The following CFAP206 variants were observed in gnomAD, a reference collection of about 807,000 sequenced individuals.
The protein encoded by CFAP206 is cilia and flagella associated protein 206, also known as cilia- and flagella-associated protein 206.
A neutral mutation model predicts 65.4 loss-of-function variants in CFAP206; 53 were observed. The ratio of observed to expected loss-of-function variants is 0.81; its 90% CI spans 0.65 to 1.02. The LOEUF (loss-of-function observed/expected upper bound fraction) is 1.02. Among genes scored for constraint, CFAP206 ranks in the 50% least tolerant of loss-of-function variants. The pLI, the probability that CFAP206 is intolerant of heterozygous loss-of-function variation, is 0.00. For synonymous variants in CFAP206, 250 were observed against 254.4 expected (o/e 0.98, Z 0.17); for missense variants, 663 against 753.2 (o/e 0.88, Z 1.40).
intron 1 of CFAP206, chr6:87,408,443 C>T (rs11964237): frequency 9.6e-5 from 7 of 73,054 alleles, no homozygotes; most frequent in African/African-American, 2.6e-4. Context: ...AGCGACCCGG[C>T]AGCGGCGCGC....
chr6:87,413,023 A>G (rs1767764524), intron 3 of CFAP206, among the ~76,000 whole-genome samples: 1 of 151,350 alleles, frequency 6.6e-6, no homozygotes, highest in African/African-American at 2.5e-5. Context: ...AGTAATGAGG[A>G]ACTCTAGAAG....
At chr6:87,443,201 C>T (rs1352966602) in intron 11 of CFAP206, among the ~76,000 whole-genome samples, 1 of 152,032 alleles carries the variant, frequency 6.6e-6, no homozygotes, top group African/African-American at 2.4e-5. Flanking sequence ...CAATAAGTTG[C>T]ATTTTTCTAG....
In CFAP206 at chr6:87,413,878, C is replaced by T. The variant is rs117489265; in HGVS notation, c.261C>T (p.Phe87=). Residue 87 remains phenylalanine (F), a synonymous_variant, in exon 4 of 13, where the codon TTC becomes TTT. Coordinates refer to ENST00000369562, the MANE Select transcript of CFAP206 (RefSeq NM_001031743.3). ...SLDTIKMQVY[F]DMNYTNRVEF... is the part of the protein sequence containing the mutation. ...ACACTATTAAGATGCAAGTCTACTTCGATATGAATTATACGAATCGAGGTA... is the reference window on the plus strand; with the variant it reads ...ACACTATTAAGATGCAAGTCTACTTTGATATGAATTATACGAATCGAGGTA... The T allele has an allele frequency of 8.8e-3, 13,542 of 1,546,060 alleles. 79 individuals are homozygous for T. The highest frequency in any genetic ancestry group is 9.8e-3 in the Non-Finnish European group (11,361 of 1,154,366).
At chr6:87,422,473 C>T (rs1011896068) in intron 7 of CFAP206, among the ~76,000 whole-genome samples, 4 of 146,178 alleles carry the variant, frequency 2.7e-5, no homozygotes, top group South Asian at 2.2e-4. Context: ...AAAAAAAGGC[C>T]GGGTGCGGTG....
At chr6:87,445,206 A>G (rs1768423320) in intron 11 of CFAP206, 2 of 276,166 alleles carry the variant, frequency 7.2e-6, no homozygotes, top group Non-Finnish European at 1.4e-5. Context: ...TTTTATTATT[A>G]CGTTTTAAAT....
At chr6:87,414,286 G>A (rs927659717) in intron 4 of CFAP206, among the ~76,000 whole-genome samples, 1 of 152,058 alleles carries the variant, frequency 6.6e-6, no homozygotes, top group Non-Finnish European at 1.5e-5. Flanking sequence ...TTTAAGTTTA[G>A]AAAACGTTTC....
At position 87,461,121 on chromosome 6, in the gene CFAP206, T is replaced by C. The variant is rs1768738733; in HGVS notation, c.1594T>C (p.Tyr532His). ...HILPPTIVRS[Y>H]EWNEWELRRK... The stretch of plus-strand genomic sequence containing the variant: ...ACTGCCACCAACGATTGTGAGATCA[T>C]ATGAGTGGAATGAATGGGAATTAAG... The change falls in exon 12 of 13, where the codon TAT (tyrosine) becomes CAT (histidine). Residue 532 changes from tyrosine (Y) to histidine (H), a missense_variant. Physicochemically the swap from Tyr to His is moderately conservative, Grantham distance 83. Transcript: ENST00000369562. The C allele has an allele frequency of 1.3e-6, 2 of 1,583,506 alleles. No homozygotes were observed. The highest frequency in any genetic ancestry group is 1.7e-6 in the Non-Finnish European group (2 of 1,169,744).
At chr6:87,436,291 G>A (rs1395694842) in intron 11 of CFAP206, among the ~76,000 whole-genome samples, 2 of 151,830 alleles carry the variant, frequency 1.3e-5, no homozygotes, top group Admixed American at 1.3e-4. Context: ...TCACCATGTT[G>A]GCAAGGCTGG....
At chr6:87,425,236 T>C (rs999956998) in intron 7 of CFAP206, among the ~76,000 whole-genome samples, 1 of 152,172 alleles carries the variant, frequency 6.6e-6, no homozygotes, top group Non-Finnish European at 1.5e-5. Context: ...GAAAAGAATA[T>C]TAAGACAAAT....
chr6:87,418,355 A>G lies in CFAP206; in HGVS notation c.779A>G (p.Tyr260Cys). 6.2e-7 allele frequency: 1 copy of G among 1,614,154 alleles called. No homozygotes were observed. Among genetic ancestry groups the G allele is most frequent in the Middle Eastern group, 1.6e-4 (1 of 6,062 alleles). ...DPLMRAELQP[Y>C]MLKEALYNIR... is the part of the protein sequence containing the mutation. Reference sequence around the variant, plus strand: ...CTCATGAGGGCTGAACTTCAGCCATATATGTTAAAAGAAGCGCTATATAAT... The same window carrying G: ...CTCATGAGGGCTGAACTTCAGCCATGTATGTTAAAAGAAGCGCTATATAAT... Residue 260 changes from tyrosine to cysteine, a missense_variant, in exon 7 of 13, where the codon TAT becomes TGT. By Grantham distance (194) the Tyr-to-Cys change is radical (BLOSUM62 -2). Coordinates refer to ENST00000369562, the MANE Select transcript of CFAP206 (RefSeq NM_001031743.3).
At chr6:87,413,029 A>G (rs937111558) in intron 3 of CFAP206, among the ~76,000 whole-genome samples, 2 of 151,100 alleles carry the variant, frequency 1.3e-5, no homozygotes, top group Admixed American at 1.3e-4. Flanking sequence ...GAGGAACTCT[A>G]GAAGAGTTTT....
chr6:87,460,897 AG>A, intron 11 of CFAP206, 124 bp from the exon 12 acceptor site: 3 of 686,498 alleles, frequency 4.4e-6, no homozygotes, highest in Non-Finnish European at 7.0e-6. Context: ...GGTATTTACA[AG>A]TATATTCCAT....
chr6:87,434,509 T>C (rs1462156259), intron 10 of CFAP206, among the ~76,000 whole-genome samples: 1 of 150,038 alleles, frequency 6.7e-6, no homozygotes, highest in African/African-American at 2.4e-5. Context: ...TTTCTTTTTT[T>C]TTTTTTTTGA....
At chr6:87,459,944 A>C (rs1768715446) in intron 11 of CFAP206, among the ~76,000 whole-genome samples, 1 of 152,058 alleles carries the variant, frequency 6.6e-6, no homozygotes, top group South Asian at 2.1e-4. Flanking sequence ...AATGAGTTTT[A>C]TCTCTGTCTT....
intron 11 of CFAP206, among the ~76,000 whole-genome samples, chr6:87,453,991 G>A (rs1768588376): frequency 6.6e-6 from 1 of 152,050 alleles, no homozygotes; most frequent in East Asian, 1.9e-4. Context: ...TTGCCTACAA[G>A]AAATGCACTT....
chr6:87,429,432 A>T (rs1277345517), intron 9 of CFAP206, among the ~76,000 whole-genome samples: 1 of 152,178 alleles, frequency 6.6e-6, no homozygotes, highest in Non-Finnish European at 1.5e-5. Context: ...AAAGAATATT[A>T]ATCATTGCTA....
chr6:87,408,697 A>T (rs1016590475), intron 1 of CFAP206: 1 of 150,724 alleles, frequency 6.6e-6, no homozygotes, highest in Non-Finnish European at 1.5e-5. Flanking sequence ...CGATTCCCTT[A>T]AGCCGCGCAC....
intron 11 of CFAP206, among the ~76,000 whole-genome samples, chr6:87,442,701 T>C (rs1768378628): frequency 6.6e-6 from 1 of 152,184 alleles, no homozygotes; most frequent in African/African-American, 2.4e-5. Context: ...AGTTATTGAA[T>C]TGTATCAAAT....
intron 11 of CFAP206, among the ~76,000 whole-genome samples, chr6:87,438,375 C>A (rs762703764): frequency 1.3e-4 from 19 of 147,334 alleles, no homozygotes; most frequent in Non-Finnish European, 2.4e-4. Flanking sequence ...GCAGGAGAAT[C>A]GCTTGAACCA....
Sources: allele counts gnomAD v4.1 joint callset (sites outside exome capture counted in the v4.1 genomes callset), GRCh38; gene constraint gnomAD v4.1.1; transcripts MANE v1.5; gene names NCBI Gene and HGNC (gene_info 2026-07-23, HGNC 2026-07-21).